DLGAP2: variants seen among roughly 807,000 people sequenced by gnomAD.
DLGAP2 encodes the protein disks large-associated protein 2.
A neutral mutation model predicts 100.3 loss-of-function variants in DLGAP2; 26 were observed. The ratio of observed to expected loss-of-function variants is 0.26; its 90% CI spans 0.19 to 0.36. The LOEUF is 0.36. DLGAP2 is among the 10% of genes least tolerant of loss of function. The probability of loss-of-function intolerance (pLI) is 1.00; values close to 1 mark genes in which losing one functional copy is unlikely to be tolerated. For synonymous variants in DLGAP2, 886 were observed against 630.1 expected (o/e 1.41, Z -6.08); for missense variants, 1,858 against 1,453.2 (o/e 1.28, Z -4.53).
chr8:1,291,983 C>G (rs929880685), intron 3 of DLGAP2, among the ~76,000 whole-genome samples: 1 of 152,182 alleles, frequency 6.6e-6, no homozygotes, highest in Non-Finnish European at 1.5e-5. Flanking sequence ...ACATGAGAGG[C>G]TTTCAATAAA....
intron 4 of DLGAP2, among the ~76,000 whole-genome samples, chr8:1,502,172 T>C (rs981072218): frequency 2.0e-5 from 3 of 152,234 alleles, no homozygotes; most frequent in African/African-American, 7.2e-5. Context: ...AAGAGGTTTG[T>C]TGCTGTCTGT....
At chr8:889,205 T>C (rs1420080525) in intron 1 of DLGAP2, among the ~76,000 whole-genome samples, 1 of 152,196 alleles carries the variant, frequency 6.6e-6, no homozygotes, top group Non-Finnish European at 1.5e-5. Flanking sequence ...ATGTCATCAG[T>C]TAAGGCAGGA....
At chr8:996,607 A>T (rs1367414023) in intron 2 of DLGAP2, among the ~76,000 whole-genome samples, 3 of 152,184 alleles carry the variant, frequency 2.0e-5, no homozygotes, top group African/African-American at 7.2e-5. Flanking sequence ...TTCGTTATCA[A>T]CCTTATGAAT....
intron 2 of DLGAP2, among the ~76,000 whole-genome samples, chr8:1,215,720 T>A (rs1461703859): frequency 6.5e-5 from 3 of 46,244 alleles, no homozygotes; most frequent in Non-Finnish European, 1.2e-4. Context: ...TGGGTTCATT[T>A]GGGTGCATCA....
intron 2 of DLGAP2, among the ~76,000 whole-genome samples, chr8:969,148 G>C (rs1298339782): frequency 6.6e-6 from 1 of 152,100 alleles, no homozygotes; most frequent in African/African-American, 2.4e-5. Flanking sequence ...AGGGGGGATG[G>C]GCTCACGCAA....
At chr8:1,377,948 C>G (rs1015391499) in intron 3 of DLGAP2, 1 of 150,378 alleles carries the variant, frequency 6.6e-6, no homozygotes, top group Admixed American at 6.8e-5. Flanking sequence ...TCACGCACCC[C>G]TGTGCAGACG....
chr8:1,344,501 C>T (rs1362010046), intron 3 of DLGAP2, among the ~76,000 whole-genome samples: 3 of 152,204 alleles, frequency 2.0e-5, no homozygotes, highest in Admixed American at 6.5e-5. Flanking sequence ...CTTTGTGCCT[C>T]AGTTTCCCTA....
At chr8:1,012,254 C>A (rs1483695175) in intron 2 of DLGAP2, among the ~76,000 whole-genome samples, 1 of 152,166 alleles carries the variant, frequency 6.6e-6, no homozygotes, top group Non-Finnish European at 1.5e-5. Flanking sequence ...AGGCTTAAAT[C>A]CCCATCCCTT....
chr8:1,599,238 T>C (rs1040700987), intron 6 of DLGAP2, among the ~76,000 whole-genome samples: 1 of 151,840 alleles, frequency 6.6e-6, no homozygotes, highest in Non-Finnish European at 1.5e-5. Flanking sequence ...GAGACTGTTA[T>C]GATTTCCATC....
At chr8:872,931 G>A (rs1259438782) in intron 1 of DLGAP2, among the ~76,000 whole-genome samples, 2 of 152,114 alleles carry the variant, frequency 1.3e-5, no homozygotes, top group African/African-American at 2.4e-5. Context: ...GTCCCTGATG[G>A]CAAAAGGCTA....
intron 2 of DLGAP2, among the ~76,000 whole-genome samples, chr8:1,246,179 A>G (rs1798897529): frequency 6.6e-6 from 1 of 152,204 alleles, no homozygotes; most frequent in Admixed American, 6.5e-5. Context: ...CCTTGGTCAA[A>G]TTAATATTCA....
At chr8:958,348 G>A (rs935556864) in intron 2 of DLGAP2, among the ~76,000 whole-genome samples, 14 of 152,144 alleles carry the variant, frequency 9.2e-5, no homozygotes, top group African/African-American at 2.4e-4. Context: ...ATAGTCAACA[G>A]TGGACACTGG....
At chr8:989,203 C>T (rs1393370855) in intron 2 of DLGAP2, among the ~76,000 whole-genome samples, 1 of 152,184 alleles carries the variant, frequency 6.6e-6, no homozygotes, top group African/African-American at 2.4e-5. Context: ...CTCCCGCATG[C>T]CACATCAGGG....
At position 1,350,378 on chromosome 8, in the gene DLGAP2, C is replaced by G. The variant is rs62486256; in HGVS notation, c.106+91495C>G. Among the ~76,000 whole-genome samples, 14 of 33,840 alleles carry G rather than the reference C, an allele frequency of 4.1e-4. 1 individual carries two copies. The highest frequency in any genetic ancestry group is 8.6e-4 in the Admixed American group (2 of 2,326). The allele number at this position is 33,840 out of a possible 152,430, so 22.2% of individuals were successfully genotyped here. ...TGTGGAAAGGCCGCGTGGGTCCTGA[C>G]TGTGCGTGGAAAGGCCGCGCGGGTC... is the stretch of plus-strand genomic sequence containing the variant. On this transcript the variant is annotated intron_variant, in intron 3 of 14. Transcript: ENST00000637795.
chr8:934,721 G>T (rs1237374380), intron 2 of DLGAP2, among the ~76,000 whole-genome samples: 1 of 152,090 alleles, frequency 6.6e-6, no homozygotes, highest in Non-Finnish European at 1.5e-5. Context: ...GGAGGCGGTG[G>T]ACCCCAGCCC....
intron 3 of DLGAP2, among the ~76,000 whole-genome samples, chr8:1,303,076 C>G (rs1800397386): frequency 6.6e-6 from 1 of 152,134 alleles, no homozygotes; most frequent in Non-Finnish European, 1.5e-5. Flanking sequence ...AGCGAGCGTC[C>G]TTGGAAGAGG....
rs746189888 is a variant in DLGAP2 at position 1,705,489 on chromosome 8, G to C, written c.*4083G>C. The C allele has an allele frequency of 1.3e-5, 2 of 152,296 alleles. No individual in the cohort carries two copies. The highest frequency in any genetic ancestry group is 2.9e-5 in the Non-Finnish European group (2 of 68,096). The allele number at this position is 152,296 out of a possible 1,614,324, so 9.4% of individuals were successfully genotyped here. Reference sequence around the variant, plus strand: ...CCCCCACGAACCTGGGAAAGGCAGCGGGAAATGTGTGAGAGGGTGTGCGCT... The same window carrying C: ...CCCCCACGAACCTGGGAAAGGCAGCCGGAAATGTGTGAGAGGGTGTGCGCT... On this transcript the variant is annotated 3_prime_UTR_variant, in exon 15 of 15. Coordinates refer to ENST00000637795, the MANE Select transcript of DLGAP2 (RefSeq NM_001346810.2).
At chr8:1,103,034 C>T (rs926256240) in intron 2 of DLGAP2, among the ~76,000 whole-genome samples, 1 of 151,118 alleles carries the variant, frequency 6.6e-6, no homozygotes, top group African/African-American at 2.4e-5. Context: ...CTCTGTGGTT[C>T]CCTATGAGTC....
intron 3 of DLGAP2, among the ~76,000 whole-genome samples, chr8:1,294,362 G>A (rs766005928): frequency 1.2e-4 from 19 of 152,322 alleles, no homozygotes; most frequent in Middle Eastern, 3.4e-3. Context: ...GGCACTCTCC[G>A]TCGTCGTCCA....
Sources: gnomAD v4.1 joint callset for allele counts (sites outside exome capture counted in the v4.1 genomes callset) on GRCh38, gnomAD v4.1.1 for gene constraint, MANE v1.5 for transcripts, NCBI Gene and HGNC (gene_info 2026-07-23, HGNC 2026-07-21) for gene names.